The following OTOGL variants were observed in gnomAD, a reference collection of about 807,000 sequenced individuals.
The protein encoded by OTOGL is otogelin-like protein.
OTOGL carries 285 observed loss-of-function variants against 318.5 expected under a neutral mutation model. That is an observed-to-expected ratio of 0.89 (90% CI 0.81 to 0.99). The LOEUF (loss-of-function observed/expected upper bound fraction) is 0.99. OTOGL is among the 50% of genes least tolerant of loss of function. The probability of loss-of-function intolerance (pLI) is 0.00; values close to 1 mark genes in which losing one functional copy is unlikely to be tolerated. For synonymous variants in OTOGL, 987 were observed against 936.5 expected (o/e 1.05, Z -0.99); for missense variants, 2,899 against 2,845.6 (o/e 1.02, Z -0.43).
At chr12:80,118,727 G>A (rs376906496) in intron 1 of OTOGL, among the ~76,000 whole-genome samples, 1 of 152,116 alleles carries the variant, frequency 6.6e-6, no homozygotes, top group Admixed American at 6.6e-5. Context: ...CTAACATTTT[G>A]TACCAGTGAG....
intron 1 of OTOGL, among the ~76,000 whole-genome samples, chr12:80,163,867 G>A (rs982042552): frequency 2.0e-5 from 3 of 152,144 alleles, no homozygotes; most frequent in Admixed American, 1.3e-4. Flanking sequence ...AAAGTCAAAG[G>A]GCTGAGCCCA....
intron 1 of OTOGL, among the ~76,000 whole-genome samples, chr12:80,111,166 G>T (rs1345579368): frequency 1.3e-5 from 2 of 152,118 alleles, no homozygotes; most frequent in Non-Finnish European, 2.9e-5. Context: ...TTTGTCAGAT[G>T]GATAGATTGC....
intron 44 of OTOGL, among the ~76,000 whole-genome samples, chr12:80,346,597 T>A (rs1380293046): frequency 2.0e-5 from 3 of 152,212 alleles, no homozygotes; most frequent in Non-Finnish European, 4.4e-5. Flanking sequence ...TCAGTGTCCG[T>A]CATCCAGATT....
intron 57 of OTOGL, among the ~76,000 whole-genome samples, chr12:80,373,498 T>C (rs1891008491): frequency 6.6e-6 from 1 of 152,038 alleles, no homozygotes; most frequent in African/African-American, 2.4e-5. Flanking sequence ...GATTCTTAGA[T>C]ATGAACTGAC....
At chr12:80,128,336 C>T (rs575548829) in intron 1 of OTOGL, among the ~76,000 whole-genome samples, 5 of 152,274 alleles carry the variant, frequency 3.3e-5, no homozygotes, top group Admixed American at 6.5e-5. Flanking sequence ...GTTTCAGCAG[C>T]GGAGGCTGCA....
intron 18 of OTOGL, among the ~76,000 whole-genome samples, chr12:80,261,300 C>T: frequency 6.6e-6 from 1 of 152,038 alleles, no homozygotes; most frequent in Non-Finnish European, 1.5e-5. Flanking sequence ...GGGGTTGTCA[C>T]TTAATAAATG....
At position 80,379,998 on chromosome 12, in the gene OTOGL, A is replaced by G. The variant is rs1237043015; in HGVS notation, c.*1950A>G. 2 of 152,076 alleles carry G rather than the reference A, an allele frequency of 1.3e-5. No individual in the cohort carries two copies. The highest frequency in any genetic ancestry group is 2.9e-5 in the Non-Finnish European group (2 of 67,924). The allele number at this position is 152,076 out of a possible 1,614,324, so 9.4% of individuals were successfully genotyped here. A position where few individuals can be genotyped will look rare whatever the true frequency, so the allele number is the denominator to read the frequency against. Reference sequence around the variant, plus strand: ...ATCCCAAAACTTATTAGAATGTGGCATATCATAAAGATGACTCTGAAATCA... The same window carrying G: ...ATCCCAAAACTTATTAGAATGTGGCGTATCATAAAGATGACTCTGAAATCA... On this transcript the variant is annotated 3_prime_UTR_variant, in exon 59 of 59. Coordinates refer to ENST00000547103, the MANE Select transcript of OTOGL (RefSeq NM_001378609.3).
chr12:80,332,527 G>A (rs779796282), intron 37 of OTOGL, among the ~76,000 whole-genome samples: 28 of 152,088 alleles, frequency 1.8e-4, no homozygotes, highest in Non-Finnish European at 4.0e-4. Context: ...ATCAACTAGG[G>A]CTTCCACATG....
chr12:80,206,806 G>C (rs573484868), intron 1 of OTOGL, among the ~76,000 whole-genome samples: 37 of 152,102 alleles, frequency 2.4e-4, no homozygotes, highest in African/African-American at 8.7e-4. Context: ...ACTGTGCCTG[G>C]TCAAATTCTA....
intron 4 of OTOGL, among the ~76,000 whole-genome samples, chr12:80,213,148 C>G (rs1877402976): frequency 6.6e-6 from 1 of 152,194 alleles, no homozygotes; most frequent in Admixed American, 6.5e-5. Context: ...GTGAATTATT[C>G]ATGAGTTTTC....
At position 80,254,678 on chromosome 12, in the gene OTOGL, A is replaced by G. The variant is rs1025464239; in HGVS notation, c.1441+108A>G. On this transcript the variant is annotated intron_variant, in intron 15 of 58. Transcript: ENST00000547103. ...CATCTCATATATACCAAGGGCTACA[A>G]TAATCTGTAAATGCAATTACTCAGA... 9.2e-6 allele frequency: 8 copies of G among 866,116 alleles called. No individual in the cohort carries two copies. In the African/African-American group the frequency reaches 1.2e-4, roughly 13 times the overall value. 53.7% of individuals were successfully genotyped at this position (866,116 alleles called of 1,614,324 possible).
Position 80,355,760 on chromosome 12 carries a change from C to T in OTOGL, c.5618C>T (p.Pro1873Leu). Residue 1873 changes from proline (P) to leucine (L), a missense_variant, in exon 47 of 59, where the codon CCC becomes CTC. Coordinates refer to ENST00000547103, the MANE Select transcript of OTOGL (RefSeq NM_001378609.3). ...GCATGCACTGATAGTGAAGACCAAC[C>T]CCGCACTGCTGGGGAGATTTGGAAT... is the stretch of plus-strand genomic sequence containing the variant. ...ECACTDSEDQ[P>L]RTAGEIWNGG... The T allele has an allele frequency of 6.2e-7, 1 of 1,613,576 alleles. No homozygotes were observed. The highest frequency in any genetic ancestry group is 8.5e-7 in the Non-Finnish European group (1 of 1,179,706).
At chr12:80,319,632 A>T (rs1320279163) in intron 33 of OTOGL, among the ~76,000 whole-genome samples, 1 of 152,170 alleles carries the variant, frequency 6.6e-6, no homozygotes, top group African/African-American at 2.4e-5. Flanking sequence ...CCTTTGAAAT[A>T]ATATTGAATT....
At chr12:80,365,506 T>C (rs1890474718) in intron 52 of OTOGL, among the ~76,000 whole-genome samples, 1 of 152,120 alleles carries the variant, frequency 6.6e-6, no homozygotes, top group Non-Finnish European at 1.5e-5. Context: ...GCTTTAACTA[T>C]TAAAAAACAG....
chr12:80,252,152 A>G lies in OTOGL; in HGVS notation c.1236A>G (p.Gln412=), dbSNP rs749265598. ...CCPPTCTFEK[Q]CLGSNLHCLD... is the part of the protein sequence containing the mutation. Reference sequence around the variant, plus strand: ...CACCAACCTGCACATTTGAGAAGCAATGTCTTGGGAGCAATCTCCATTGTC... The same window carrying G: ...CACCAACCTGCACATTTGAGAAGCAGTGTCTTGGGAGCAATCTCCATTGTC... Residue 412 remains glutamine (Q), a synonymous_variant, in exon 13 of 59, where the codon CAA becomes CAG. Coordinates refer to ENST00000547103, the MANE Select transcript of OTOGL (RefSeq NM_001378609.3). The G allele has an allele frequency of 1.9e-6, 3 of 1,588,346 alleles. No homozygotes were observed. Among genetic ancestry groups the G allele is most frequent in the Non-Finnish European group, 2.6e-6 (3 of 1,165,512 alleles).
chr12:80,120,807 G>A (rs1389391979), intron 1 of OTOGL, among the ~76,000 whole-genome samples: 1 of 152,114 alleles, frequency 6.6e-6, no homozygotes, highest in African/African-American at 2.4e-5. Flanking sequence ...AGAACCCAGG[G>A]ACTATCTCTA....
chr12:80,372,022 GA>G lies in OTOGL; in HGVS notation c.6741del (p.Ile2249LeufsTer2). On this transcript the variant is annotated frameshift_variant, in exon 57 of 59. Coordinates refer to ENST00000547103, the MANE Select transcript of OTOGL (RefSeq NM_001378609.3). LOFTEE classifies it high-confidence loss of function. ...TATTGCTTTTTTCTCTTTCTAGAAT[GA>G]AGGGATTGTGAAGCTTTATAATGAA... ...PFNETECKMN[E>X]GIVKLYNEGC... The G allele has an allele frequency of 6.5e-7, 1 of 1,549,352 alleles. No homozygotes were observed. The highest frequency in any genetic ancestry group is 8.7e-7 in the Non-Finnish European group (1 of 1,143,534).
chr12:80,275,087 A>G (rs1404056226), intron 24 of OTOGL, among the ~76,000 whole-genome samples: 1 of 151,972 alleles, frequency 6.6e-6, no homozygotes, highest in African/African-American at 2.4e-5. Context: ...TTTCAACTTT[A>G]AAGTCTTATT....
At chr12:80,288,641 G>T (rs1160151851) in intron 26 of OTOGL, among the ~76,000 whole-genome samples, 1 of 151,654 alleles carries the variant, frequency 6.6e-6, no homozygotes, top group Non-Finnish European at 1.5e-5. Flanking sequence ...GTTTCATTAA[G>T]TTGATAATCA....
Sources: gnomAD v4.1 joint callset for allele counts (sites outside exome capture counted in the v4.1 genomes callset) on GRCh38, gnomAD v4.1.1 for gene constraint, MANE v1.5 for transcripts, NCBI Gene and HGNC (gene_info 2026-07-23, HGNC 2026-07-21) for gene names.